Variants in DZANK1 observed in about 807,000 individuals in gnomAD.
DZANK1 encodes the protein double zinc ribbon and ankyrin repeat domains 1, also known as double zinc ribbon and ankyrin repeat-containing protein 1.
A neutral mutation model predicts 94.5 loss-of-function variants in DZANK1; 91 were observed. That is an observed-to-expected ratio of 0.96 (90% CI 0.81 to 1.15). The LOEUF (loss-of-function observed/expected upper bound fraction) is 1.15. DZANK1 is among the 50% of genes most tolerant of loss of function. DZANK1 has a pLI of 0.00. For missense variants in DZANK1, 903 were observed against 916.4 expected, an observed-to-expected ratio of 0.99 and a Z score of 0.19; for synonymous variants, 312 against 325.3, an observed-to-expected ratio of 0.96 and a Z score of 0.44.
intron 19 of DZANK1, among the ~76,000 whole-genome samples, chr20:18,387,689 G>GA (rs2048589886): frequency 6.6e-6 from 1 of 152,218 alleles, no homozygotes; most frequent in Non-Finnish European, 1.5e-5. Flanking sequence ...AGCTTTGGTG[G>GA]AGGATGTGAA....
At chr20:18,454,244 A>G (rs1323152442) in intron 4 of DZANK1, 2 of 352,836 alleles carry the variant, frequency 5.7e-6, no homozygotes. Flanking sequence ...TTCTCCATGG[A>G]CTTGGTCCCT....
chr20:18,396,398 A>C (rs890905283), intron 15 of DZANK1, 74 bp downstream of exon 15: 12 of 1,252,572 alleles, frequency 9.6e-6, no homozygotes, highest in Non-Finnish European at 1.4e-5. Flanking sequence ...GATTACACAG[A>C]AGCATTTCTA....
chr20:18,415,408 C>T (rs1375239586), exon 11 of DZANK1: 36 of 1,591,394 alleles, frequency 2.3e-5, no homozygotes, highest in Non-Finnish European at 3.1e-5. Flanking sequence ...TCCCCCCTTT[C>T]TGAGTGGGCG....
chr20:18,400,317 G>A (rs954513522), intron 13 of DZANK1, among the ~76,000 whole-genome samples: 3 of 152,172 alleles, frequency 2.0e-5, no homozygotes, highest in Admixed American at 6.5e-5. Context: ...ACTGGGGCCC[G>A]ATCTTGCTGG....
At chr20:18,416,435 A>T (rs1244002796) in intron 10 of DZANK1, among the ~76,000 whole-genome samples, 1 of 152,156 alleles carries the variant, frequency 6.6e-6, no homozygotes, top group East Asian at 1.9e-4. Context: ...TATTCCCCGC[A>T]CTAGGACAGT....
chr20:18,389,889 G>A (rs1173138903), intron 18 of DZANK1, 61 bp from the exon 19 acceptor site: 92 of 1,599,632 alleles, frequency 5.8e-5, no homozygotes, highest in South Asian at 4.0e-4. Flanking sequence ...GCATCCAGTC[G>A]CCATCCTATG....
At chr20:18,429,939 G>A (rs2058215343) in intron 9 of DZANK1, among the ~76,000 whole-genome samples, 1 of 152,172 alleles carries the variant, frequency 6.6e-6, no homozygotes, top group Non-Finnish European at 1.5e-5. Flanking sequence ...CCTTAATGGG[G>A]ATGGCAAACA....
At chr20:18,384,178 G>A (rs577494473) in exon 21 of DZANK1, 114 of 349,908 alleles carry the variant, frequency 3.3e-4, no homozygotes, top group South Asian at 2.9e-3. Flanking sequence ...TCCTGCCTCA[G>A]CCTCTCGAGT....
intron 8 of DZANK1, among the ~76,000 whole-genome samples, chr20:18,435,631 A>C (rs936410377): frequency 6.6e-6 from 1 of 152,096 alleles, no homozygotes; most frequent in African/African-American, 2.4e-5. Context: ...CATTAGGACA[A>C]ATACCTAATG....
chr20:18,391,047 T>C (rs899637222), intron 17 of DZANK1, among the ~76,000 whole-genome samples: 1 of 151,990 alleles, frequency 6.6e-6, no homozygotes, highest in East Asian at 1.9e-4. Flanking sequence ...AATATAAAAA[T>C]TAGCCACGTG....
intron 6 of DZANK1, among the ~76,000 whole-genome samples, chr20:18,449,299 A>T (rs2059007225): frequency 6.6e-6 from 1 of 152,188 alleles, no homozygotes; most frequent in Non-Finnish European, 1.5e-5. Context: ...AGGGTACCCT[A>T]GAAGCCCAAA....
intron 13 of DZANK1, among the ~76,000 whole-genome samples, chr20:18,405,065 G>A (rs926370107): frequency 1.3e-4 from 20 of 151,890 alleles, no homozygotes; most frequent in African/African-American, 4.1e-4. Flanking sequence ...GCATGATGGT[G>A]TGCACCTTTA....
chr20:18,394,475 C>T (rs1441590891), intron 15 of DZANK1, 125 bp from the exon 16 acceptor site: 1 of 934,726 alleles, frequency 1.1e-6, no homozygotes. Flanking sequence ...GAGAGTGGAG[C>T]CTGAGACCTG....
At chr20:18,426,035 C>T (rs6132059) in intron 10 of DZANK1, among the ~76,000 whole-genome samples, 16,286 of 152,172 alleles carry the variant, frequency 0.11, 1,525 homozygotes, top group East Asian at 0.53. Context: ...GAAACTAGTA[C>T]ACACCCATTT....
intron 10 of DZANK1, among the ~76,000 whole-genome samples, chr20:18,415,650 A>G (rs1174620983): frequency 6.6e-6 from 1 of 152,226 alleles, no homozygotes; most frequent in Non-Finnish European, 1.5e-5. Flanking sequence ...CATAGAGCTC[A>G]CATTCCTTCA....
At chr20:18,392,221 C>T (rs994443472) in intron 17 of DZANK1, among the ~76,000 whole-genome samples, 1 of 152,158 alleles carries the variant, frequency 6.6e-6, no homozygotes, top group Non-Finnish European at 1.5e-5. Context: ...TTATGGAACT[C>T]TATGCTTTTA....
chr20:18,456,897 C>T (rs2059312031), intron 3 of DZANK1, among the ~76,000 whole-genome samples: 1 of 152,112 alleles, frequency 6.6e-6, no homozygotes. Flanking sequence ...TATGTGGACA[C>T]GTTTTCATTT....
Position 18,462,004 on chromosome 20 carries a change from T to C in DZANK1, c.110-1698A>G, listed in dbSNP as rs529338696. Among the ~76,000 whole-genome samples the C allele has an allele frequency of 1.4e-4, 21 of 152,198 alleles. 2 individuals are homozygous for C. The highest frequency in any genetic ancestry group is 4.8e-4 in the African/African-American group (20 of 41,530). ...TGAAAACACCTATTTGACCACAATC[T>C]TCCTCATCTAGTGTGTTATCCATTT... On this transcript the variant is annotated intron_variant, in intron 2 of 20. Coordinates refer to ENST00000262547, the Ensembl canonical transcript of DZANK1.
chr20:18,453,862 T>G, intron 4 of DZANK1, 35 bp from the exon 5 acceptor site: 3 of 1,244,328 alleles, frequency 2.4e-6, no homozygotes, highest in Non-Finnish European at 3.6e-6. Context: ...AATCACTTGG[T>G]TATTCCCATG....
Sources: gnomAD v4.1 joint callset for allele counts (sites outside exome capture counted in the v4.1 genomes callset) on GRCh38, gnomAD v4.1.1 for gene constraint, MANE v1.5 for transcripts, NCBI Gene and HGNC (gene_info 2026-07-23, HGNC 2026-07-21) for gene names.